FAM177A1: variants seen among roughly 807,000 people sequenced by gnomAD.
The protein encoded by FAM177A1 is family with sequence similarity 177 member A1.
FAM177A1 carries 22 observed loss-of-function variants against 26.1 expected under a neutral mutation model. The observed-to-expected ratio is 0.84, with a 90% confidence interval of 0.60 to 1.20. The LOEUF (loss-of-function observed/expected upper bound fraction) is 1.20. Among genes scored for constraint, FAM177A1 ranks in the 50% most tolerant of loss-of-function variants. The pLI is 0.00. For missense variants in FAM177A1, 296 were observed against 291.1 expected (o/e 1.02, Z -0.12); for synonymous variants, 95 against 99.3 (o/e 0.96, Z 0.26).
At chr14:35,049,030 A>G (rs2044921479) in intron 1 of FAM177A1, among the ~76,000 whole-genome samples, 1 of 151,906 alleles carries the variant, frequency 6.6e-6, no homozygotes, top group South Asian at 2.1e-4. Flanking sequence ...AGCTAGGACT[A>G]CAGGCGCACG....
chr14:35,066,223 C>T (rs1444948426), intron 2 of FAM177A1, among the ~76,000 whole-genome samples: 1 of 151,698 alleles, frequency 6.6e-6, no homozygotes, highest in East Asian at 1.9e-4. Context: ...TAGGCCACCA[C>T]ACCTGTCTAA....
chr14:35,051,039 A>C (rs1479731488), intron 1 of FAM177A1, among the ~76,000 whole-genome samples: 2 of 152,192 alleles, frequency 1.3e-5, no homozygotes, highest in East Asian at 3.8e-4. Flanking sequence ...AACCCTCAGG[A>C]CAGGCTAGAA....
At chr14:35,076,639 G>C (rs1286357016) in intron 2 of FAM177A1, among the ~76,000 whole-genome samples, 1 of 151,896 alleles carries the variant, frequency 6.6e-6, no homozygotes, top group Admixed American at 6.6e-5. Context: ...TTATCTTGCC[G>C]CTTATTTGTC....
chr14:35,079,369 A>G (rs1463876324), intron 4 of FAM177A1, among the ~76,000 whole-genome samples: 2 of 152,202 alleles, frequency 1.3e-5, no homozygotes, highest in African/African-American at 2.4e-5. Flanking sequence ...TGGACTGGAT[A>G]TAGGAAAAGT....
chr14:35,057,925 A>G (rs1378658694), intron 2 of FAM177A1, among the ~76,000 whole-genome samples: 1 of 152,056 alleles, frequency 6.6e-6, no homozygotes, highest in Non-Finnish European at 1.5e-5. Flanking sequence ...AACGTTCCAT[A>G]TGTACTTGAG....
At chr14:35,059,071 G>A (rs2045108632) in intron 2 of FAM177A1, among the ~76,000 whole-genome samples, 1 of 152,024 alleles carries the variant, frequency 6.6e-6, no homozygotes, top group South Asian at 2.1e-4. Context: ...GAGTAGCTGG[G>A]ATTACAGGTG....
intron 2 of FAM177A1, among the ~76,000 whole-genome samples, chr14:35,073,923 T>C (rs1373236622): frequency 6.6e-6 from 1 of 152,178 alleles, no homozygotes; most frequent in African/African-American, 2.4e-5. Flanking sequence ...TAGATATCCT[T>C]TCTTCTCAAT....
At chr14:35,065,827 G>C (rs2045233069) in intron 2 of FAM177A1, among the ~76,000 whole-genome samples, 1 of 151,628 alleles carries the variant, frequency 6.6e-6, no homozygotes, top group Non-Finnish European at 1.5e-5. Context: ...GAGTAGCTGG[G>C]ATTACAGGTA....
chr14:35,048,675 C>T (rs2139054635), intron 1 of FAM177A1, among the ~76,000 whole-genome samples: 1 of 151,970 alleles, frequency 6.6e-6, no homozygotes, highest in East Asian at 1.9e-4. Flanking sequence ...GAATCAGAAA[C>T]ATCTTTGGGA....
chr14:35,049,665 G>A (rs1309246926), intron 1 of FAM177A1, among the ~76,000 whole-genome samples: 1 of 152,072 alleles, frequency 6.6e-6, no homozygotes, highest in African/African-American at 2.4e-5. Context: ...CACGCCTGTA[G>A]TCCCAGCTAC....
upstream of FAM177A1, chr14:35,046,074 A>C: frequency 6.0e-6 from 1 of 167,682 alleles, no homozygotes; most frequent in Non-Finnish European, 1.3e-5. Context: ...CTGCGGGGTG[A>C]CTGCCCCAGA....
At chr14:35,068,359 G>A (rs1472768539) in intron 2 of FAM177A1, among the ~76,000 whole-genome samples, 1 of 152,156 alleles carries the variant, frequency 6.6e-6, no homozygotes, top group Non-Finnish European at 1.5e-5. Flanking sequence ...ATCATGTGAA[G>A]TTTCTGTTTG....
At chr14:35,065,686 A>T (rs978144367) in intron 2 of FAM177A1, among the ~76,000 whole-genome samples, 2 of 138,348 alleles carry the variant, frequency 1.4e-5, no homozygotes, top group Non-Finnish European at 3.1e-5. Flanking sequence ...TTTAAAAGGT[A>T]TAAGAAGCAA....
rs201860851 is a variant in FAM177A1 at position 35,046,544 on chromosome 14, G to A, written c.81G>A (p.Glu27=). ...SPVVATTMDQ[E]PVGGVERGEA... is the part of the protein sequence containing the mutation. Reference sequence around the variant, plus strand: ...TGGTGGCGACGACGATGGACCAGGAGCCAGTGGGCGGTGTGGAACGAGGAG... The same window carrying A: ...TGGTGGCGACGACGATGGACCAGGAACCAGTGGGCGGTGTGGAACGAGGAG... Residue 27 remains glutamate (E), a synonymous_variant, in exon 1 of 5, where the codon GAG becomes GAA. Coordinates refer to ENST00000280987, the MANE Select transcript of FAM177A1 (RefSeq NM_173607.5). The A allele has an allele frequency of 1.2e-6, 2 of 1,600,086 alleles. No homozygotes were observed. Among genetic ancestry groups the A allele is most frequent in the South Asian group, 2.3e-5 (2 of 88,660 alleles).
chr14:35,067,894 G>C (rs1173198895), intron 2 of FAM177A1, among the ~76,000 whole-genome samples: 6 of 152,042 alleles, frequency 3.9e-5, no homozygotes, highest in African/African-American at 1.4e-4. Flanking sequence ...CTTTTGAGTT[G>C]TTTAAGTTCT....
At chr14:35,078,073 T>C (rs577822874) in intron 3 of FAM177A1, among the ~76,000 whole-genome samples, 157 of 152,302 alleles carry the variant, frequency 1.0e-3, no homozygotes, top group Non-Finnish European at 2.0e-3. Context: ...TTTTATCACT[T>C]TCTGCATTTT....
chr14:35,071,310 T>C (rs780269581), intron 2 of FAM177A1, among the ~76,000 whole-genome samples: 10 of 152,178 alleles, frequency 6.6e-5, no homozygotes, highest in Non-Finnish European at 1.3e-4. Flanking sequence ...CTCCATTTTC[T>C]AAGTGTTCTA....
rs191844309 is a variant in FAM177A1, at chr14:35,077,699, G to T, written c.406+483G>T. Among the ~76,000 whole-genome samples, 3,780 of 151,044 alleles carry T rather than the reference G, an allele frequency of 0.025. 334 individuals are homozygous for T. In the East Asian group the frequency reaches 0.34, roughly 13 times the overall value. ...GGGTTTCACCTTGTTGGCCAGGATG[G>T]TCTCGATCTCCTGACCTCATGATCC... On this transcript the variant is annotated intron_variant, in intron 3 of 4. Coordinates refer to ENST00000280987, the MANE Select transcript of FAM177A1 (RefSeq NM_173607.5).
chr14:35,047,354 T>G (rs1435366347), intron 1 of FAM177A1, among the ~76,000 whole-genome samples: 1 of 152,242 alleles, frequency 6.6e-6, no homozygotes, highest in Non-Finnish European at 1.5e-5. Context: ...AAATCCTGGG[T>G]GCATTTTACA....
Sources: allele counts gnomAD v4.1 joint callset (sites outside exome capture counted in the v4.1 genomes callset), GRCh38; gene constraint gnomAD v4.1.1; transcripts MANE v1.5; gene names NCBI Gene and HGNC (gene_info 2026-07-23, HGNC 2026-07-21).